Variants in FAM222B observed in about 807,000 individuals in gnomAD.
The protein encoded by FAM222B is family with sequence similarity 222 member B.
A neutral mutation model predicts 38.0 loss-of-function variants in FAM222B; 12 were observed. That is an observed-to-expected ratio of 0.32 (90% confidence interval 0.20 to 0.51). FAM222B has a LOEUF of 0.51. FAM222B is among the 20% of genes least tolerant of loss of function. The pLI is 0.97. For missense variants in FAM222B, 716 were observed against 754.2 expected (o/e 0.95, Z 0.59); for synonymous variants, 329 against 317.2 (o/e 1.04, Z -0.40).
intron 1 of FAM222B, among the ~76,000 whole-genome samples, chr17:28,786,016 T>A (rs970609237): frequency 6.6e-6 from 1 of 152,090 alleles, no homozygotes; most frequent in Non-Finnish European, 1.5e-5. Context: ...GTATTTTTAG[T>A]AGAGACGGGG....
chr17:28,780,491 G>T (rs1470300695), intron 1 of FAM222B, among the ~76,000 whole-genome samples: 3 of 150,556 alleles, frequency 2.0e-5, no homozygotes, highest in Non-Finnish European at 3.0e-5. Flanking sequence ...ATCCAAAAAA[G>T]AAATAAATAA....
In FAM222B at chr17:28,759,905, A is replaced by G. The variant is rs1567788748; in HGVS notation, c.83-29T>C. The G allele has an allele frequency of 2.0e-6, 3 of 1,496,560 alleles. No homozygotes were observed. Among genetic ancestry groups the G allele is most frequent in the Non-Finnish European group, 2.7e-6 (3 of 1,116,840 alleles). The allele number at this position is 1,496,560 out of a possible 1,614,324, so 92.7% of individuals were successfully genotyped here. On this transcript the variant is annotated intron_variant, in intron 2 of 2. Coordinates refer to ENST00000581407, the MANE Select transcript of FAM222B (RefSeq NM_001077498.3). The surrounding 1 kb of genome is among the most constrained non-coding windows in gnomAD (Gnocchi z 4.8). Reference sequence around the variant, plus strand: ...GAGAGAGAGAATGGGAAGGAGAGCAAAGAGGGAGAGGGAGCTCATCAGTGC... The same window carrying G: ...GAGAGAGAGAATGGGAAGGAGAGCAGAGAGGGAGAGGGAGCTCATCAGTGC...
intron 1 of FAM222B, among the ~76,000 whole-genome samples, chr17:28,789,643 C>T (rs966735363): frequency 1.3e-5 from 2 of 152,160 alleles, no homozygotes; most frequent in African/African-American, 4.8e-5. Flanking sequence ...ATGCAGTGAT[C>T]ACTCCCACCC....
chr17:28,791,534 G>A (rs969004822), intron 1 of FAM222B, among the ~76,000 whole-genome samples: 2 of 152,050 alleles, frequency 1.3e-5, no homozygotes, highest in South Asian at 4.2e-4. Context: ...TTATTCTAAA[G>A]ATAGAGAATT....
chr17:28,803,281 T>A (rs989681713), intron 1 of FAM222B, among the ~76,000 whole-genome samples: 2 of 152,198 alleles, frequency 1.3e-5, no homozygotes, highest in South Asian at 2.1e-4. Context: ...GTGTGGAGAT[T>A]ACAGGCATGA....
At chr17:28,765,957 CAT>C (rs2035309920) in intron 2 of FAM222B, among the ~76,000 whole-genome samples, 1 of 152,140 alleles carries the variant, frequency 6.6e-6, no homozygotes, top group Admixed American at 6.5e-5. Context: ...AAGAGAACAG[CAT>C]AGTTTATTTC....
intron 1 of FAM222B, among the ~76,000 whole-genome samples, chr17:28,822,375 C>T (rs1598018922): frequency 6.7e-6 from 1 of 149,834 alleles, no homozygotes; most frequent in African/African-American, 2.4e-5. Context: ...GTAATCCCAG[C>T]ACTTTGGGAG....
upstream of FAM222B, among the ~76,000 whole-genome samples, chr17:28,843,136 GTCT>G (rs2039104102): frequency 7.2e-6 from 1 of 139,374 alleles, no homozygotes. Flanking sequence ...ATAAATTTGG[GTCT>G]TTTTTTTTTT....
At chr17:28,826,298 G>A (rs1234922721) in intron 1 of FAM222B, among the ~76,000 whole-genome samples, 1 of 151,414 alleles carries the variant, frequency 6.6e-6, no homozygotes, top group South Asian at 2.1e-4. Flanking sequence ...TCGAACTCCA[G>A]ACCTCAAGTG....
At position 28,784,171 on chromosome 17, in the gene FAM222B, CATT is replaced by C. The variant is rs2036288900; in HGVS notation, c.-40-17467_-40-17465del. On this transcript the variant is annotated intron_variant, in intron 1 of 2. Transcript: ENST00000581407. ...GCTTAGGTGCCTGATACACAGTAAA[CATT>C]ATTTACATGTTGGCTCTTGTGGGGC... 2.0e-5 allele frequency among the ~76,000 whole-genome samples: 3 copies of C among 152,062 alleles called. No individual in the cohort carries two copies. In the South Asian group the frequency reaches 6.2e-4, roughly 32 times the overall value.
At chr17:28,809,578 T>C (rs1009490756) in intron 1 of FAM222B, among the ~76,000 whole-genome samples, 2 of 152,168 alleles carry the variant, frequency 1.3e-5, no homozygotes, top group African/African-American at 4.8e-5. Context: ...ACATTTATGA[T>C]TAGTTCTATA....
chr17:28,758,601 A>C lies in FAM222B; in HGVS notation c.1358T>G (p.Leu453Arg). 6.2e-7 allele frequency: 1 copy of C among 1,611,082 alleles called. No individual in the cohort carries two copies. The highest frequency in any genetic ancestry group is 1.1e-5 in the South Asian group (1 of 91,088). ...AYPNGHYFQP[L>R]WNNILPTPNS... is the part of the protein sequence containing the mutation. ...GGGAGTGGGCAGAATGTTGTTCCAC[A>C]GGGGTTGGAAGTAGTGACCATTGGG... Residue 453 changes from leucine to arginine, a missense_variant, in exon 3 of 3, where the codon CTG becomes CGG. Transcript: ENST00000581407.
At chr17:28,825,236 C>A (rs2038394723) in intron 1 of FAM222B, among the ~76,000 whole-genome samples, 1 of 151,890 alleles carries the variant, frequency 6.6e-6, no homozygotes, top group South Asian at 2.1e-4. Context: ...AGTTTGAGAA[C>A]AGACTGGGCA....
At chr17:28,805,998 G>A (rs548289689) in intron 1 of FAM222B, among the ~76,000 whole-genome samples, 3 of 151,970 alleles carry the variant, frequency 2.0e-5, no homozygotes, top group African/African-American at 7.2e-5. Context: ...AAAATTAGCT[G>A]GGCACATGGT....
intron 1 of FAM222B, among the ~76,000 whole-genome samples, chr17:28,831,927 C>A (rs1022853323): frequency 1.3e-5 from 2 of 152,148 alleles, no homozygotes; most frequent in Non-Finnish European, 2.9e-5. Flanking sequence ...CAGTGGCTCA[C>A]GCCTGTAATC....
chr17:28,830,729 T>TA lies in FAM222B; in HGVS notation c.-41+11952dup, dbSNP rs2038637627. Among the ~76,000 whole-genome samples the TA allele has an allele frequency of 4.6e-5, 7 of 151,890 alleles. No homozygotes were observed. In the South Asian group the frequency reaches 1.5e-3, roughly 32 times the overall value. ...GGCCGGGCATGGTGGCTAACACCTG[T>TA]AGTCCCAGCACTGTGGAAGGCTGAG... On this transcript the variant is annotated intron_variant, in intron 1 of 2. Transcript: ENST00000581407.
At chr17:28,768,153 G>A (rs987995512) in intron 1 of FAM222B, among the ~76,000 whole-genome samples, 5 of 152,108 alleles carry the variant, frequency 3.3e-5, no homozygotes, top group African/African-American at 1.2e-4. Context: ...ATAAGTACAC[G>A]AACTTCTTTT....
chr17:28,815,248 C>CT (rs1429604835), intron 1 of FAM222B, among the ~76,000 whole-genome samples: 1 of 149,700 alleles, frequency 6.7e-6, no homozygotes, highest in African/African-American at 2.5e-5. Context: ...GAGTCTCGCT[C>CT]TGTCACCCAG....
intron 1 of FAM222B, among the ~76,000 whole-genome samples, chr17:28,779,605 G>T (rs2036071237): frequency 6.6e-6 from 1 of 151,918 alleles, no homozygotes; most frequent in African/African-American, 2.4e-5. Flanking sequence ...CAAAAAATTA[G>T]CCGGGTGTGG....
Sources: allele counts gnomAD v4.1 joint callset (sites outside exome capture counted in the v4.1 genomes callset), GRCh38; gene constraint gnomAD v4.1.1; non-coding constraint Gnocchi (gnomAD v3.1); transcripts MANE v1.5; gene names NCBI Gene and HGNC (gene_info 2026-07-23, HGNC 2026-07-21).